RETREG1: variants seen among roughly 807,000 people sequenced by gnomAD.
RETREG1 encodes reticulophagy regulator 1, also known as family with sequence similarity 134 member B.
RETREG1 carries 44 observed loss-of-function variants against 54.8 expected under a neutral mutation model. That is an observed-to-expected ratio of 0.80 (90% confidence interval 0.63 to 1.03). The LOEUF (loss-of-function observed/expected upper bound fraction) is 1.03. RETREG1 is among the 50% of genes least tolerant of loss of function. The probability of loss-of-function intolerance (pLI) is 0.00; values close to 1 mark genes in which losing one functional copy is unlikely to be tolerated. For missense variants in RETREG1, 554 were observed against 605.1 expected, an observed-to-expected ratio of 0.92 and a Z score of 0.89; for synonymous variants, 217 against 238.5, an observed-to-expected ratio of 0.91 and a Z score of 0.83.
At chr5:16,596,414 C>A (rs911834126) in intron 1 of RETREG1, among the ~76,000 whole-genome samples, 1 of 152,166 alleles carries the variant, frequency 6.6e-6, no homozygotes, top group Non-Finnish European at 1.5e-5. Flanking sequence ...GCAAAAGCTG[C>A]CAGAGTGGCT....
At chr5:16,494,657 T>C (rs1579604009) in intron 3 of RETREG1, among the ~76,000 whole-genome samples, 1 of 152,360 alleles carries the variant, frequency 6.6e-6, no homozygotes, top group Middle Eastern at 3.4e-3. Flanking sequence ...GCCACTTTGC[T>C]TCCTGTAGAG....
chr5:16,547,426 G>A (rs1229668722), intron 3 of RETREG1, among the ~76,000 whole-genome samples: 1 of 152,162 alleles, frequency 6.6e-6, no homozygotes, highest in Non-Finnish European at 1.5e-5. Flanking sequence ...AAAACCTTTG[G>A]TACATTCCAC....
chr5:16,576,777 C>T (rs1348427046), intron 1 of RETREG1, among the ~76,000 whole-genome samples: 2 of 151,424 alleles, frequency 1.3e-5, no homozygotes, highest in Admixed American at 6.6e-5. Context: ...CCACCGCGCC[C>T]GGCCAATGTT....
chr5:16,477,697 G>A lies in RETREG1; in HGVS notation c.965C>T (p.Ser322Leu), dbSNP rs1738596874. 1 of 1,613,150 alleles carries A rather than the reference G, an allele frequency of 6.2e-7. No homozygotes were observed. Among genetic ancestry groups the A allele is most frequent in the South Asian group, 1.1e-5 (1 of 91,074 alleles). ...SWTDNGTFNL[S>L]EGYTPQTDTS... The stretch of plus-strand genomic sequence containing the variant: ...GTCTGTCTGTGGAGTGTATCCTTCT[G>A]AAAGGTTGAAGGTCCCATTATCAGT... Residue 322 changes from serine to leucine, a missense_variant, in exon 8 of 9, where the codon TCA becomes TTA. Physicochemically the swap from Ser to Leu is moderately radical, Grantham distance 145. Coordinates refer to ENST00000306320, the MANE Select transcript of RETREG1 (RefSeq NM_001034850.3).
chr5:16,568,429 G>A (rs569079983), intron 2 of RETREG1, among the ~76,000 whole-genome samples: 8 of 152,104 alleles, frequency 5.3e-5, no homozygotes, highest in African/African-American at 1.9e-4. Flanking sequence ...CCACCACCAC[G>A]CCCGGCTAAT....
chr5:16,545,378 G>C (rs1347411021), intron 3 of RETREG1, among the ~76,000 whole-genome samples: 1 of 152,274 alleles, frequency 6.6e-6, no homozygotes. Flanking sequence ...GTGTTAGAGG[G>C]GGAGAGAGGC....
At chr5:16,484,022 A>G (rs1408891611) in intron 3 of RETREG1, among the ~76,000 whole-genome samples, 1 of 152,146 alleles carries the variant, frequency 6.6e-6, no homozygotes, top group African/African-American at 2.4e-5. Context: ...AGCATACAAT[A>G]TTAAGAATAA....
chr5:16,571,989 T>C lies in RETREG1; in HGVS notation c.427+7A>G, dbSNP rs751661654. The C allele has an allele frequency of 1.3e-6, 2 of 1,590,768 alleles. 1 individual carries two copies. The highest frequency in any genetic ancestry group is 3.3e-5 in the Admixed American group (2 of 59,980). ...ATACCATATAAATAAAATCTGAGTATTCTTACCTCTTGTTCTAGACAAAAC... is the reference window on the plus strand; with the variant it reads ...ATACCATATAAATAAAATCTGAGTACTCTTACCTCTTGTTCTAGACAAAAC... On this transcript the variant is annotated splice_region_variant and intron_variant, in intron 2 of 8. Transcript: ENST00000306320.
At chr5:16,524,684 G>A (rs1740643953) in intron 3 of RETREG1, among the ~76,000 whole-genome samples, 1 of 152,172 alleles carries the variant, frequency 6.6e-6, no homozygotes, top group African/African-American at 2.4e-5. Flanking sequence ...CACTGTAGAG[G>A]GCAGTGGCTG....
At position 16,585,048 on chromosome 5, in the gene RETREG1, G is replaced by GA. The variant is rs1271643157; in HGVS notation, c.321-12947dup. ...ATGAATTATAAGCATCAGAGGAGAG[G>GA]AAAAGAGGGTGGTAGGTAATAGACT... On this transcript the variant is annotated intron_variant, in intron 1 of 8. Transcript: ENST00000306320. This position sits in a 1 kb window ranked among gnomAD's most constrained non-coding sequence, Gnocchi z 4.5. 6.6e-6 allele frequency among the ~76,000 whole-genome samples: 1 copy of GA among 151,986 alleles called. No homozygotes were observed. Among genetic ancestry groups the GA allele is most frequent in the Non-Finnish European group, 1.5e-5 (1 of 67,998 alleles).
At chr5:16,513,762 T>C (rs1282623349) in intron 3 of RETREG1, among the ~76,000 whole-genome samples, 1 of 152,234 alleles carries the variant, frequency 6.6e-6, no homozygotes, top group African/African-American at 2.4e-5. Flanking sequence ...GAATGAGTCC[T>C]GTTTTCTCTG....
At chr5:16,518,939 T>A (rs373968477) in intron 3 of RETREG1, among the ~76,000 whole-genome samples, 1 of 152,188 alleles carries the variant, frequency 6.6e-6, no homozygotes, top group Non-Finnish European at 1.5e-5. Flanking sequence ...GAATGTATTA[T>A]GCACTTTGCC....
intron 3 of RETREG1, among the ~76,000 whole-genome samples, chr5:16,491,746 G>A (rs913443136): frequency 6.6e-6 from 1 of 152,148 alleles, no homozygotes; most frequent in African/African-American, 2.4e-5. Context: ...ATACGGGCCA[G>A]GCACAGTGGC....
At chr5:16,602,336 C>T (rs958239776) in intron 1 of RETREG1, among the ~76,000 whole-genome samples, 1 of 152,044 alleles carries the variant, frequency 6.6e-6, no homozygotes, top group Non-Finnish European at 1.5e-5. Flanking sequence ...AGAAGGAAAA[C>T]GACGACGATG....
chr5:16,479,090 A>C (rs1738659966), intron 5 of RETREG1, 103 bp from the exon 6 acceptor site: 2 of 1,119,700 alleles, frequency 1.8e-6, no homozygotes, highest in Admixed American at 4.5e-5. Context: ...GAAAAACTTA[A>C]GTTTTTTTAA....
intron 3 of RETREG1, among the ~76,000 whole-genome samples, chr5:16,488,737 G>A (rs1739120605): frequency 6.6e-6 from 1 of 152,182 alleles, no homozygotes; most frequent in African/African-American, 2.4e-5. Flanking sequence ...TGCCTCAGTA[G>A]CAGAGAATAA....
intron 1 of RETREG1, among the ~76,000 whole-genome samples, chr5:16,577,164 T>G (rs1742346697): frequency 6.6e-6 from 1 of 152,170 alleles, no homozygotes; most frequent in African/African-American, 2.4e-5. Flanking sequence ...ATTTCTCCAA[T>G]AAAGTTTTCC....
At position 16,478,877 on chromosome 5, in the gene RETREG1, T is replaced by C. The variant is rs1738646929; in HGVS notation, c.781A>G (p.Ile261Val). 8.7e-6 allele frequency: 14 copies of C among 1,612,368 alleles called. No individual in the cohort carries two copies. Among genetic ancestry groups the C allele is most frequent in the Non-Finnish European group, 1.2e-5 (14 of 1,178,862 alleles). The change falls in exon 6 of 9, where the codon ATT (isoleucine) becomes GTT (valine). Residue 261 changes from isoleucine to valine, a missense_variant. By Grantham distance (29) the Ile-to-Val change is conservative (BLOSUM62 3). This residue lies in a region of RETREG1 where 347 missense variants were observed against 412.3 expected (regional missense o/e 0.84). Coordinates refer to ENST00000306320, the MANE Select transcript of RETREG1 (RefSeq NM_001034850.3). ...LKLDFGIGEY[I>V]NQKKRERSEA... ...GATCTCTCACGTTTCTTCTGATTAA[T>C]ATATTCTCCAATTCCAAAATCCAGT... is the stretch of plus-strand genomic sequence containing the variant.
intron 7 of RETREG1, 53 bp downstream of exon 7, chr5:16,477,981 T>C (rs1376647878): frequency 1.5e-5 from 22 of 1,429,266 alleles, no homozygotes; most frequent in Non-Finnish European, 2.1e-5. Flanking sequence ...TATGCATACA[T>C]GCATTTACAG....
Sources: gnomAD v4.1 joint callset for allele counts (sites outside exome capture counted in the v4.1 genomes callset) on GRCh38, gnomAD v4.1.1 for gene constraint, gnomAD v4.1.1 regional missense constraint, Gnocchi (gnomAD v3.1) non-coding constraint, MANE v1.5 for transcripts, NCBI Gene and HGNC (gene_info 2026-07-23, HGNC 2026-07-21) for gene names.